The following AASDH variants were observed in gnomAD, a reference collection of about 807,000 sequenced individuals.
AASDH encodes the protein aminoadipate-semialdehyde dehydrogenase, also known as beta-alanine-activating enzyme.
Under a neutral mutation model 102.3 loss-of-function variants are expected in AASDH, and 81 were observed. The ratio of observed to expected loss-of-function variants is 0.79; its 90% CI spans 0.66 to 0.95. AASDH has a LOEUF of 0.95. Ranked by LOEUF, AASDH falls within the 40% of genes least tolerant of loss-of-function variation. AASDH has a pLI of 0.00. For synonymous variants in AASDH, 398 were observed against 454.0 expected, an observed-to-expected ratio of 0.88 and a Z score of 1.57; for missense variants, 1,203 against 1,266.2, an observed-to-expected ratio of 0.95 and a Z score of 0.76.
rs1479826204 is a variant in AASDH, at chr4:56,349,981, T to G, written c.1770A>C (p.Leu590Phe). ...TCTCACTGAGGAGCCGGATGGACTT[T>G]AAGGAATCTCCACCACTATTTAAGA... is the stretch of plus-strand genomic sequence containing the variant. ...SLFLNSGGDS[L>F]KSIRLLSEIE... The change falls in exon 11 of 15, where the codon TTA (leucine) becomes TTC (phenylalanine). Residue 590 changes from leucine to phenylalanine, a missense_variant. Leu to Phe is a conservative substitution (Grantham distance 22). Coordinates refer to ENST00000205214, the MANE Select transcript of AASDH (RefSeq NM_181806.4). 7 of 1,612,870 alleles carry G rather than the reference T, an allele frequency of 4.3e-6. No homozygotes were observed. The highest frequency in any genetic ancestry group is 5.1e-6 in the Non-Finnish European group (6 of 1,180,004).
At position 56,365,825 on chromosome 4, in the gene AASDH, C is replaced by G. The variant is rs540461931; in HGVS notation, c.861+5626G>C. On this transcript the variant is annotated intron_variant, in intron 5 of 14. Transcript: ENST00000205214. ...ATTAAAAGAACTAGAGAAGCAAGAG[C>G]AAACACATTCAAAAGCTAGCAGAAG... is the stretch of plus-strand genomic sequence containing the variant. 2.6e-3 allele frequency among the ~76,000 whole-genome samples: 396 copies of G among 152,210 alleles called. 4 individuals carry two copies. Among genetic ancestry groups the G allele is most frequent in the African/African-American group, 9.0e-3 (373 of 41,512 alleles).
At chr4:56,377,849 G>C (rs1029646602) in intron 4 of AASDH, among the ~76,000 whole-genome samples, 2 of 152,090 alleles carry the variant, frequency 1.3e-5, no homozygotes, top group Non-Finnish European at 2.9e-5. Context: ...CTGTCACTCA[G>C]GCTGGAGTGC....
Position 56,357,504 on chromosome 4 carries a change from T to G in AASDH, c.862-2081A>C, listed in dbSNP as rs1221461256. ...AACATTCAGATGACAGCAATATTTA[T>G]CACTCCCAAAACTACCTGTGTACCA... On this transcript the variant is annotated intron_variant, in intron 5 of 14. Transcript: ENST00000205214. 2.6e-5 allele frequency among the ~76,000 whole-genome samples: 4 copies of G among 152,024 alleles called. No homozygotes were observed. In the South Asian group the frequency reaches 8.3e-4, roughly 31 times the overall value.
chr4:56,347,804 C>T (rs1748492566), intron 11 of AASDH, among the ~76,000 whole-genome samples: 1 of 152,074 alleles, frequency 6.6e-6, no homozygotes, highest in Admixed American at 6.6e-5. Context: ...GATTCATAAA[C>T]AGTTATCTCA....
Position 56,355,365 on chromosome 4 carries a change from G to C in AASDH, c.920C>G (p.Ser307Ter), listed in dbSNP as rs1749487263. Residue 307 changes from serine to a stop codon, truncating the protein, a stop_gained, in exon 6 of 15, where the codon TCA (serine) becomes TGA (stop). Transcript: ENST00000205214. LOFTEE classifies it high-confidence loss of function. ...GSQLIKSTVL[S>*]ATTSLRVLAL... ...TAATACTCGAAGAGAAGTAGTGGCT[G>C]ACAAAACAGTTGACTTGATAAGCTG... The C allele has an allele frequency of 6.2e-7, 1 of 1,613,974 alleles. No homozygotes were observed. The highest frequency in any genetic ancestry group is 1.7e-5 in the Admixed American group (1 of 59,982).
intron 5 of AASDH, chr4:56,356,681 T>C (rs1018436739): frequency 1.2e-5 from 8 of 690,478 alleles, no homozygotes; most frequent in Non-Finnish European, 2.1e-5. Flanking sequence ...TATTGCATTA[T>C]CAAGGGGAAG....
chr4:56,339,756 A>AAAAG lies in AASDH; in HGVS notation c.2908-966_2908-965insCTTT, dbSNP rs778086770. On this transcript the variant is annotated intron_variant, in intron 14 of 14. Coordinates refer to ENST00000205214, the MANE Select transcript of AASDH (RefSeq NM_181806.4). ...ATAGTGAGACCTTGTTTCAAAAAAA[A>AAAAG]AAAAAAAAATTGAGACCAGTTTTCA... Among the ~76,000 whole-genome samples, 102 of 151,792 alleles carry AAAAG rather than the reference A, an allele frequency of 6.7e-4. 1 individual carries two copies. The highest frequency in any genetic ancestry group is 3.2e-3 in the Middle Eastern group (1 of 316).
At chr4:56,339,083 T>C (rs1217390931) in intron 14 of AASDH, among the ~76,000 whole-genome samples, 5 of 152,220 alleles carry the variant, frequency 3.3e-5, no homozygotes, top group South Asian at 2.1e-4. Flanking sequence ...GTTAGTATTA[T>C]TCAGAGACAC....
In AASDH at chr4:56,370,353, C is replaced by T. The variant is rs1299001205; in HGVS notation, c.861+1098G>A. Among the ~76,000 whole-genome samples the T allele has an allele frequency of 2.8e-5, 4 of 144,816 alleles. No homozygotes were observed. The South Asian group carries it at 8.8e-4, about 32-fold the overall frequency. ...CCTGGGCAACACAGCAAGACTCTGT[C>T]AAAAGAAAGAGAGAGAGAGAGAGGG... On this transcript the variant is annotated intron_variant, in intron 5 of 14. Coordinates refer to ENST00000205214, the MANE Select transcript of AASDH (RefSeq NM_181806.4).
Position 56,353,456 on chromosome 4 carries a change from A to T in AASDH, c.1524T>A (p.His508Gln). The T allele has an allele frequency of 6.2e-7, 1 of 1,613,970 alleles. No individual in the cohort carries two copies. The highest frequency in any genetic ancestry group is 1.1e-5 in the South Asian group (1 of 91,068). The change falls in exon 9 of 15, where the codon CAT (histidine) becomes CAA (glutamine). Residue 508 changes from histidine (H) to glutamine (Q), a missense_variant. Transcript: ENST00000205214. ...TCAATACAAGCTCATCCGGGACTGC[A>T]TGACTTGGAAGATATTTCTGCAGTT... ...FKELQKYLPS[H>Q]AVPDELVLID...
At chr4:56,382,647 T>G (rs1235298747) in intron 2 of AASDH, 50 bp from the exon 3 acceptor site, 1 of 1,564,802 alleles carries the variant, frequency 6.4e-7, no homozygotes, top group Non-Finnish European at 8.6e-7. Context: ...GATTTAGTAT[T>G]TGTTTAAGCA....
intron 1 of AASDH, among the ~76,000 whole-genome samples, chr4:56,385,934 T>C (rs1410553017): frequency 6.6e-6 from 1 of 151,584 alleles, no homozygotes; most frequent in African/African-American, 2.4e-5. Flanking sequence ...TCTTTCTTTT[T>C]TTTTTTTTAA....
chr4:56,376,839 G>T (rs925324426), intron 4 of AASDH, among the ~76,000 whole-genome samples: 2 of 151,738 alleles, frequency 1.3e-5, no homozygotes, highest in African/African-American at 4.8e-5. Flanking sequence ...AGGCCGAGGC[G>T]GGCGGATCAC....
intron 3 of AASDH, among the ~76,000 whole-genome samples, chr4:56,379,779 A>T (rs926640857): frequency 6.6e-6 from 1 of 152,212 alleles, no homozygotes; most frequent in African/African-American, 2.4e-5. Flanking sequence ...AAAAATGGGC[A>T]CTTCAGGCAA....
At chr4:56,385,240 TA>T (rs1211492696) in intron 1 of AASDH, among the ~76,000 whole-genome samples, 5 of 152,202 alleles carry the variant, frequency 3.3e-5, no homozygotes, top group African/African-American at 1.2e-4. Context: ...CAACTATATA[TA>T]AAAACAGTGT....
intron 3 of AASDH, among the ~76,000 whole-genome samples, chr4:56,380,660 A>G (rs1752846879): frequency 1.3e-5 from 2 of 152,326 alleles, no homozygotes; most frequent in Non-Finnish European, 2.9e-5. Flanking sequence ...CTCCAACTAC[A>G]TTATAAAAAG....
intron 11 of AASDH, among the ~76,000 whole-genome samples, chr4:56,347,139 C>CA (rs1313161565): frequency 6.7e-6 from 1 of 149,500 alleles, no homozygotes; most frequent in Non-Finnish European, 1.5e-5. Context: ...ACGGCTATAA[C>CA]AAAAAAAAAG....
At chr4:56,360,529 T>G (rs1044356258) in intron 5 of AASDH, among the ~76,000 whole-genome samples, 9 of 152,340 alleles carry the variant, frequency 5.9e-5, no homozygotes, top group African/African-American at 2.2e-4. Flanking sequence ...GTTCCACTAT[T>G]TTTACACAAA....
chr4:56,362,563 C>A (rs1033045147), intron 5 of AASDH, among the ~76,000 whole-genome samples: 1 of 152,152 alleles, frequency 6.6e-6, no homozygotes, highest in African/African-American at 2.4e-5. Context: ...CCGTGCCTGG[C>A]CTTGACAGCA....
Sources: gnomAD v4.1 joint callset for allele counts (sites outside exome capture counted in the v4.1 genomes callset) on GRCh38, gnomAD v4.1.1 for gene constraint, MANE v1.5 for transcripts, NCBI Gene and HGNC (gene_info 2026-07-23, HGNC 2026-07-21) for gene names.